The following FAM167A variants were observed in gnomAD, a reference collection of about 807,000 sequenced individuals.
FAM167A encodes protein FAM167A.
Under a neutral mutation model 14.9 loss-of-function variants are expected in FAM167A, and 23 were observed. The ratio of observed to expected loss-of-function variants is 1.55; its 90% CI spans 1.11 to 2.19. FAM167A has a LOEUF of 2.19. FAM167A is among the 30% of genes most tolerant of loss of function. FAM167A has a pLI of 0.00. For synonymous variants in FAM167A, 174 were observed against 117.7 expected (o/e 1.48, Z -3.10); for missense variants, 401 against 281.5 (o/e 1.42, Z -3.04).
intron 1 of FAM167A, among the ~76,000 whole-genome samples, chr8:11,459,903 T>C (rs1427928700): frequency 6.6e-6 from 1 of 152,168 alleles, no homozygotes; most frequent in East Asian, 1.9e-4. Flanking sequence ...AATTTTTGTA[T>C]TTTTAGTAGA....
At chr8:11,455,542 A>AGT (rs1807213822) in intron 1 of FAM167A, among the ~76,000 whole-genome samples, 1 of 45,058 alleles carries the variant, frequency 2.2e-5, no homozygotes, top group Admixed American at 2.6e-4. Context: ...TGGGTGTGTG[A>AGT]GTCTGAGTGT....
At chr8:11,462,213 A>G (rs903632236) in intron 1 of FAM167A, among the ~76,000 whole-genome samples, 1 of 152,220 alleles carries the variant, frequency 6.6e-6, no homozygotes, top group African/African-American at 2.4e-5. Flanking sequence ...CAGGAGCAGG[A>G]GAAAGGGATG....
chr8:11,443,901 A>C (rs1806597569), intron 2 of FAM167A, 130 bp downstream of exon 2: 8 of 1,173,096 alleles, frequency 6.8e-6, no homozygotes, highest in Non-Finnish European at 1.2e-6. Flanking sequence ...ACAGATGTGC[A>C]CTTGGGGGTT....
At chr8:11,437,127 G>GC (rs1215246973) in intron 2 of FAM167A, among the ~76,000 whole-genome samples, 1 of 152,190 alleles carries the variant, frequency 6.6e-6, no homozygotes, top group Non-Finnish European at 1.5e-5. Flanking sequence ...GCTGCCAGGG[G>GC]CCTCACAGTT....
Position 11,460,370 on chromosome 8 carries a change from G to A in FAM167A, c.-398+6256C>T, listed in dbSNP as rs144621173. Among the ~76,000 whole-genome samples the A allele has an allele frequency of 4.9e-4, 74 of 152,318 alleles. 1 individual carries two copies. The South Asian group carries it at 0.014, about 30-fold the overall frequency. On this transcript the variant is annotated intron_variant, in intron 1 of 2. Coordinates refer to ENST00000284486, the MANE Select transcript of FAM167A (RefSeq NM_053279.3). ...GGTCCCATCCCACCCTAAGCCATTGGTTTGGGTGTGATGACCTCCGTGCCC... is the reference window on the plus strand; with the variant it reads ...GGTCCCATCCCACCCTAAGCCATTGATTTGGGTGTGATGACCTCCGTGCCC...
At position 11,424,604 on chromosome 8, in the gene FAM167A, G is replaced by A; in HGVS notation, c.414C>T (p.Ala138=). Reference sequence around the variant, plus strand: ...CGCCACGCAGGCGCATGAGCTGTCTGGCCAGTTGCTGGTCCTGCAGCCGCA... The same window carrying A: ...CGCCACGCAGGCGCATGAGCTGTCTAGCCAGTTGCTGGTCCTGCAGCCGCA... ...TEMRLQDQQL[A]RQLMRLRGDI... Residue 138 remains alanine, a synonymous_variant, in exon 3 of 3, where the codon GCC becomes GCT. Transcript: ENST00000284486. The A allele has an allele frequency of 6.2e-7, 1 of 1,614,054 alleles. No homozygotes were observed. Among genetic ancestry groups the A allele is most frequent in the Non-Finnish European group, 8.5e-7 (1 of 1,180,004 alleles).
chr8:11,451,605 G>A (rs1807030074), intron 1 of FAM167A, among the ~76,000 whole-genome samples: 2 of 152,334 alleles, frequency 1.3e-5, no homozygotes, highest in Admixed American at 1.3e-4. Flanking sequence ...TGCAACCAGA[G>A]GACCACGTGC....
chr8:11,443,939 G>C (rs1401658909), intron 2 of FAM167A, 92 bp downstream of exon 2: 17 of 1,422,636 alleles, frequency 1.2e-5, no homozygotes, highest in Non-Finnish European at 1.4e-5. Flanking sequence ...TACATGGTGG[G>C]GGTGGGGAGA....
chr8:11,435,637 G>A (rs1805954365), intron 2 of FAM167A, among the ~76,000 whole-genome samples: 1 of 152,138 alleles, frequency 6.6e-6, no homozygotes, highest in Admixed American at 6.5e-5. Flanking sequence ...CCCCAGGCCT[G>A]TGGAGAGGCA....
chr8:11,451,608 C>T (rs1807030222), intron 1 of FAM167A, among the ~76,000 whole-genome samples: 1 of 152,230 alleles, frequency 6.6e-6, no homozygotes, highest in African/African-American at 2.4e-5. Flanking sequence ...AACCAGAGGA[C>T]CACGTGCTCC....
chr8:11,445,388 C>T, intron 1 of FAM167A: 1 of 985,790 alleles, frequency 1.0e-6, no homozygotes. Flanking sequence ...ACTCTACGCT[C>T]CTAGCTTCTT....
chr8:11,424,745 C>T (rs1345718537), intron 2 of FAM167A, 109 bp from the exon 3 acceptor site: 3 of 1,439,582 alleles, frequency 2.1e-6, no homozygotes, highest in African/African-American at 2.8e-5. Context: ...TTAAGTGGTC[C>T]ATCTAGAAAT....
chr8:11,436,361 G>A (rs965267740), intron 2 of FAM167A, among the ~76,000 whole-genome samples: 2 of 152,228 alleles, frequency 1.3e-5, no homozygotes, highest in African/African-American at 2.4e-5. Flanking sequence ...GTGAGGCCAA[G>A]CAGCCAGTCC....
chr8:11,438,090 C>T (rs573001113), intron 2 of FAM167A: 44 of 455,714 alleles, frequency 9.7e-5, no homozygotes, highest in Admixed American at 4.7e-4. Flanking sequence ...GGCCTCACCC[C>T]ACCCCAGCAC....
chr8:11,457,847 C>T (rs1234260041), intron 1 of FAM167A, among the ~76,000 whole-genome samples: 1 of 152,222 alleles, frequency 6.6e-6, no homozygotes, highest in Non-Finnish European at 1.5e-5. Flanking sequence ...CACTTGCTTT[C>T]CTCATGCTGA....
chr8:11,455,923 C>T (rs1286608953), intron 1 of FAM167A, among the ~76,000 whole-genome samples: 1 of 117,120 alleles, frequency 8.5e-6, no homozygotes, highest in Non-Finnish European at 1.7e-5. Flanking sequence ...GGGGTGGTTG[C>T]CCTGCTGGGT....
chr8:11,470,139 A>G (rs1304598864), upstream of FAM167A, among the ~76,000 whole-genome samples: 5 of 152,206 alleles, frequency 3.3e-5, no homozygotes. Context: ...TAAGTAAATA[A>G]GCAATATTGT....
At chr8:11,461,365 T>G (rs968091052) in intron 1 of FAM167A, among the ~76,000 whole-genome samples, 2 of 152,272 alleles carry the variant, frequency 1.3e-5, no homozygotes, top group African/African-American at 2.4e-5. Flanking sequence ...AAGGCAGGGA[T>G]GCCCAGACGG....
intron 1 of FAM167A, chr8:11,445,464 G>A (rs1806727384): frequency 3.0e-6 from 3 of 985,924 alleles, no homozygotes. Flanking sequence ...CAGCTGTGGA[G>A]GGAAGAAGGC....
Sources: gnomAD v4.1 joint callset for allele counts (sites outside exome capture counted in the v4.1 genomes callset) on GRCh38, gnomAD v4.1.1 for gene constraint, MANE v1.5 for transcripts, NCBI Gene and HGNC (gene_info 2026-07-23, HGNC 2026-07-21) for gene names.